GNG7: variants seen among roughly 807,000 people sequenced by gnomAD.
GNG7 encodes the protein G protein subunit gamma 7.
Under a neutral mutation model 4.0 loss-of-function variants are expected in GNG7, and 1 was observed. The ratio of observed to expected loss-of-function variants is 0.25; its 90% CI spans 0.09 to 1.18. GNG7 has a LOEUF of 1.18. Ranked by LOEUF, GNG7 falls within the 50% of genes most tolerant of loss-of-function variation. GNG7 has a pLI of 0.50. For missense variants in GNG7, 86 were observed against 91.9 expected, an observed-to-expected ratio of 0.94 and a Z score of 0.26; for synonymous variants, 34 against 36.9, an observed-to-expected ratio of 0.92 and a Z score of 0.29.
intron 2 of GNG7, among the ~76,000 whole-genome samples, chr19:2,559,801 C>T (rs1227735319): frequency 3.3e-5 from 5 of 152,150 alleles, no homozygotes; most frequent in Admixed American, 2.0e-4. Flanking sequence ...CGTGAGCCAC[C>T]GTGCCTGGCT....
intron 2 of GNG7, among the ~76,000 whole-genome samples, chr19:2,573,614 C>A (rs1240260834): frequency 7.2e-5 from 11 of 151,864 alleles, no homozygotes; most frequent in Non-Finnish European, 1.6e-4. Flanking sequence ...GTCAGGAGTT[C>A]GAGACCAGCC....
At chr19:2,607,893 A>G (rs1981440612) in intron 2 of GNG7, among the ~76,000 whole-genome samples, 1 of 151,690 alleles carries the variant, frequency 6.6e-6, no homozygotes, top group Admixed American at 6.6e-5. Context: ...CCAGGACAGC[A>G]ATACGTTCAG....
At chr19:2,528,992 G>C (rs950135969) in intron 3 of GNG7, among the ~76,000 whole-genome samples, 3 of 152,198 alleles carry the variant, frequency 2.0e-5, no homozygotes, top group African/African-American at 7.2e-5. Context: ...GAGCTCTTGA[G>C]AAATCTCACT....
At chr19:2,565,274 G>A (rs1329860629) in intron 2 of GNG7, among the ~76,000 whole-genome samples, 1 of 152,142 alleles carries the variant, frequency 6.6e-6, no homozygotes, top group African/African-American at 2.4e-5. Context: ...CACTTTGGGA[G>A]GCCGAGGCGG....
rs1322256209 is a variant in GNG7, at chr19:2,661,298, GAAAGA to G, written c.-134-15023_-134-15019del. Among the ~76,000 whole-genome samples the G allele has an allele frequency of 3.7e-3, 134 of 35,930 alleles. 2 individuals carry two copies. Among genetic ancestry groups the G allele is most frequent in the African/African-American group, 5.1e-3 (38 of 7,394 alleles). 23.6% of individuals were successfully genotyped at this position (35,930 alleles called of 152,430 possible). ...AGAAAGAAAGAAAGAAAGAAAGAAA[GAAAGA>G]GAAAGAAAGAAAGAAAGAAAGAAAG... is the stretch of plus-strand genomic sequence containing the variant. On this transcript the variant is annotated intron_variant, in intron 1 of 4. Transcript: ENST00000382159.
chr19:2,631,476 C>T (rs1430995750), intron 2 of GNG7, among the ~76,000 whole-genome samples: 1 of 152,250 alleles, frequency 6.6e-6, no homozygotes, highest in East Asian at 1.9e-4. Flanking sequence ...AGTATGAAAG[C>T]AGTCACTGAT....
At chr19:2,655,121 C>T (rs924906418) in intron 1 of GNG7, among the ~76,000 whole-genome samples, 2 of 147,350 alleles carry the variant, frequency 1.4e-5, no homozygotes, top group African/African-American at 2.5e-5. Context: ...TCTGGGAGGT[C>T]GAGGCTACAG....
intron 1 of GNG7, among the ~76,000 whole-genome samples, chr19:2,694,677 T>C (rs1047566426): frequency 6.6e-6 from 1 of 152,026 alleles, no homozygotes; most frequent in Non-Finnish European, 1.5e-5. Context: ...GGGTGTGGAT[T>C]TCAATGTGTG....
intron 2 of GNG7, among the ~76,000 whole-genome samples, chr19:2,635,549 GAC>G (rs1278235149): frequency 6.6e-6 from 1 of 151,516 alleles, no homozygotes; most frequent in African/African-American, 2.4e-5. Context: ...ATGATCATGG[GAC>G]ACACCTGAGA....
At chr19:2,531,437 C>T in intron 3 of GNG7, among the ~76,000 whole-genome samples, 1 of 151,880 alleles carries the variant, frequency 6.6e-6, no homozygotes, top group Non-Finnish European at 1.5e-5. Context: ...TTGCTGGTGG[C>T]CCCAAATGCC....
At chr19:2,563,420 T>A (rs998359701) in intron 2 of GNG7, among the ~76,000 whole-genome samples, 1 of 152,162 alleles carries the variant, frequency 6.6e-6, no homozygotes, top group African/African-American at 2.4e-5. Context: ...ACCAGAAATG[T>A]CCCCACATTC....
chr19:2,550,113 A>G (rs1453511141), intron 3 of GNG7, among the ~76,000 whole-genome samples: 4 of 152,220 alleles, frequency 2.6e-5, no homozygotes, highest in East Asian at 1.9e-4. Flanking sequence ...TCCCTGTGGG[A>G]TGGGGAAAGA....
At chr19:2,608,744 C>A (rs1261874229) in intron 2 of GNG7, among the ~76,000 whole-genome samples, 1 of 152,194 alleles carries the variant, frequency 6.6e-6, no homozygotes, top group Non-Finnish European at 1.5e-5. Context: ...CCGGGGTCTG[C>A]ACTGAGGCTG....
intron 2 of GNG7, among the ~76,000 whole-genome samples, chr19:2,579,206 C>A (rs935701009): frequency 1.3e-5 from 2 of 152,252 alleles, no homozygotes; most frequent in African/African-American, 4.8e-5. Context: ...ACAGGGGTCA[C>A]CCGGACACAC....
intron 2 of GNG7, among the ~76,000 whole-genome samples, chr19:2,644,060 G>A (rs1291231992): frequency 6.6e-6 from 1 of 150,978 alleles, no homozygotes; most frequent in South Asian, 2.1e-4. Flanking sequence ...TCGCTCTGTC[G>A]CCCAGGCTGG....
At position 2,514,812 on chromosome 19, in the gene GNG7, C is replaced by T. The variant is rs1972707162; in HGVS notation, c.*210G>A. ...GGGGTCGGACCTGAAAATTCATCTC[C>T]ACCTACAAGGTCCATTCTACCCCAT... On this transcript the variant is annotated 3_prime_UTR_variant, in exon 5 of 5. Coordinates refer to ENST00000382159, the MANE Select transcript of GNG7 (RefSeq NM_052847.3). 4.2e-6 allele frequency: 2 copies of T among 472,100 alleles called. No individual in the cohort carries two copies. The highest frequency in any genetic ancestry group is 3.8e-6 in the Non-Finnish European group (1 of 261,584). The allele number at this position is 472,100 out of a possible 1,614,324, so 29.2% of individuals were successfully genotyped here. A position where few individuals can be genotyped will look rare whatever the true frequency, so the allele number is the denominator to read the frequency against.
At chr19:2,658,444 C>T (rs1159257214) in intron 1 of GNG7, among the ~76,000 whole-genome samples, 1 of 151,700 alleles carries the variant, frequency 6.6e-6, no homozygotes, top group Non-Finnish European at 1.5e-5. Flanking sequence ...GTGGTACATC[C>T]CCCGAAACCA....
At chr19:2,549,458 T>G (rs752633443) in intron 3 of GNG7, among the ~76,000 whole-genome samples, 2 of 151,830 alleles carry the variant, frequency 1.3e-5, no homozygotes, top group Non-Finnish European at 2.9e-5. Context: ...ACCCGGCTAA[T>G]TTTTGTATTT....
At chr19:2,701,874 C>T (rs1245991934) in intron 1 of GNG7, among the ~76,000 whole-genome samples, 5 of 77,654 alleles carry the variant, frequency 6.4e-5, no homozygotes, top group Admixed American at 2.1e-4. Context: ...CACTTCCAGC[C>T]CCCTCCCCAG....
Sources: allele counts gnomAD v4.1 joint callset (sites outside exome capture counted in the v4.1 genomes callset), GRCh38; gene constraint gnomAD v4.1.1; transcripts MANE v1.5; gene names NCBI Gene and HGNC (gene_info 2026-07-23, HGNC 2026-07-21).